The following STX19 variants were observed in gnomAD, a reference collection of about 807,000 sequenced individuals.
STX19 encodes the protein syntaxin 19, also known as syntaxin-19.
Under a neutral mutation model 24.3 loss-of-function variants are expected in STX19, and 26 were observed. The observed-to-expected ratio is 1.07, with a 90% CI of 0.78 to 1.48. The LOEUF is 1.48. Ranked by LOEUF, STX19 falls within the 40% of genes most tolerant of loss-of-function variation. STX19 has a pLI of 0.00. For synonymous variants in STX19, 116 were observed against 106.9 expected (o/e 1.09, Z -0.52); for missense variants, 367 against 331.9 (o/e 1.11, Z -0.82).
intron 1 of STX19, among the ~76,000 whole-genome samples, chr3:94,018,852 G>A (rs1380777077): frequency 1.3e-5 from 2 of 151,788 alleles, no homozygotes; most frequent in Non-Finnish European, 2.9e-5. Flanking sequence ...TGCAACCTCC[G>A]CCGTCCGGGT....
At chr3:94,027,160 A>C (rs961173063) in intron 1 of STX19, among the ~76,000 whole-genome samples, 7 of 152,028 alleles carry the variant, frequency 4.6e-5, no homozygotes, top group Non-Finnish European at 8.8e-5. Flanking sequence ...CCAAGAGAAA[A>C]CAGAATATTC....
At chr3:94,015,723 G>T (rs933195025) in intron 1 of STX19, among the ~76,000 whole-genome samples, 1 of 152,136 alleles carries the variant, frequency 6.6e-6, no homozygotes, top group Non-Finnish European at 1.5e-5. Flanking sequence ...TGCTAAATAT[G>T]CATCATTCAG....
intron 1 of STX19, among the ~76,000 whole-genome samples, chr3:94,028,094 G>A (rs1412703501): frequency 6.6e-6 from 1 of 152,098 alleles, no homozygotes; most frequent in African/African-American, 2.4e-5. Flanking sequence ...TTTTTTAAAT[G>A]AGAGCTTACT....
Position 94,014,439 on chromosome 3 carries a change from T to C in STX19, c.831A>G (p.Arg277=). 6.3e-7 allele frequency: 1 copy of C among 1,593,934 alleles called. No individual in the cohort carries two copies. ...AACAACACAGTACTCTGCAAGGATT[T>C]CTTTTTTTGTATTTTACAGCTAGTC... is the stretch of plus-strand genomic sequence containing the variant. ...KFGLAVKYKK[R]NPCRVLCCWC... is the part of the protein sequence containing the mutation. Residue 277 remains arginine, a synonymous_variant, in exon 2 of 2, where the codon AGA becomes AGG. Coordinates refer to ENST00000315099, the MANE Select transcript of STX19 (RefSeq NM_001001850.3).
At chr3:94,016,792 G>A (rs1575984256) in intron 1 of STX19, among the ~76,000 whole-genome samples, 1 of 151,924 alleles carries the variant, frequency 6.6e-6, no homozygotes, top group Non-Finnish European at 1.5e-5. Flanking sequence ...GATTACAGGT[G>A]CCTGCCACCA....
chr3:94,017,307 G>A (rs749532729), intron 1 of STX19, among the ~76,000 whole-genome samples: 1 of 152,180 alleles, frequency 6.6e-6, no homozygotes, highest in Admixed American at 6.5e-5. Flanking sequence ...AGGGCAGTGG[G>A]TGGAAATTAC....
chr3:94,026,162 G>C (rs1048551498), intron 1 of STX19, among the ~76,000 whole-genome samples: 6 of 152,092 alleles, frequency 3.9e-5, no homozygotes, highest in Non-Finnish European at 8.8e-5. Context: ...TGGGACTACA[G>C]GCGCCCGCCA....
chr3:94,018,288 A>C (rs1055602641), intron 1 of STX19, among the ~76,000 whole-genome samples: 2 of 150,802 alleles, frequency 1.3e-5, no homozygotes, highest in East Asian at 3.9e-4. Flanking sequence ...AAGAGACTTT[A>C]ATGATAGAGA....
At chr3:94,022,307 A>G (rs745805817) in intron 1 of STX19, among the ~76,000 whole-genome samples, 20 of 151,474 alleles carry the variant, frequency 1.3e-4, no homozygotes, top group Non-Finnish European at 2.7e-4. Flanking sequence ...TGTATTTTTA[A>G]TAGAGATGGG....
At chr3:94,024,283 T>C (rs2076510186) in intron 1 of STX19, among the ~76,000 whole-genome samples, 1 of 152,230 alleles carries the variant, frequency 6.6e-6, no homozygotes, top group Non-Finnish European at 1.5e-5. Context: ...ATTATTATTT[T>C]TTAAACTGGG....
chr3:94,015,759 G>A (rs2076320526), intron 1 of STX19, among the ~76,000 whole-genome samples: 3 of 152,186 alleles, frequency 2.0e-5, no homozygotes, highest in African/African-American at 7.2e-5. Flanking sequence ...TGACAGTACA[G>A]ATTTTATATG....
chr3:94,018,460 A>T (rs1031962726), intron 1 of STX19, among the ~76,000 whole-genome samples: 1 of 151,654 alleles, frequency 6.6e-6, no homozygotes, highest in African/African-American at 2.4e-5. Flanking sequence ...TTCCTTTATC[A>T]CTATTTTCTT....
Position 94,014,719 on chromosome 3 carries a change from T to C in STX19, c.551A>G (p.Asp184Gly), listed in dbSNP as rs1443888222. The C allele has an allele frequency of 1.6e-5, 25 of 1,612,540 alleles. No individual in the cohort carries two copies. Among genetic ancestry groups the C allele is most frequent in the Non-Finnish European group, 1.9e-5 (23 of 1,179,632 alleles). The change falls in exon 2 of 2, where the codon GAT (aspartate) becomes GGT (glycine). Residue 184 changes from aspartate to glycine, a missense_variant. Physicochemically the swap from Asp to Gly is moderately conservative, Grantham distance 94. Transcript: ENST00000315099. ...GKEMSEEDVN[D>G]MLHQGKWEVF... ...TTCCCATTTTCCTTGATGAAGCATATCATTTACATCTTCTTCAGACATCTC... is the reference window on the plus strand; with the variant it reads ...TTCCCATTTTCCTTGATGAAGCATACCATTTACATCTTCTTCAGACATCTC...
chr3:94,016,437 A>G (rs1223588928), intron 1 of STX19, among the ~76,000 whole-genome samples: 1 of 152,124 alleles, frequency 6.6e-6, no homozygotes, highest in Non-Finnish European at 1.5e-5. Context: ...ATTTGGAGGA[A>G]TCTTTAGTAT....
chr3:94,016,838 G>C (rs1316409254), intron 1 of STX19, among the ~76,000 whole-genome samples: 1 of 151,952 alleles, frequency 6.6e-6, no homozygotes, highest in Non-Finnish European at 1.5e-5. Flanking sequence ...GTAGAGACAG[G>C]GTTTCACCAT....
chr3:94,016,790 G>GT (rs1553837782), intron 1 of STX19, among the ~76,000 whole-genome samples: 2 of 151,982 alleles, frequency 1.3e-5, no homozygotes, highest in Non-Finnish European at 2.9e-5. Context: ...GGGATTACAG[G>GT]TGCCTGCCAC....
At chr3:94,023,903 T>C (rs2076502929) in intron 1 of STX19, among the ~76,000 whole-genome samples, 1 of 152,200 alleles carries the variant, frequency 6.6e-6, no homozygotes, top group South Asian at 2.1e-4. Context: ...TTAGGATCTT[T>C]AATATAATCA....
intron 1 of STX19, among the ~76,000 whole-genome samples, chr3:94,022,422 G>A (rs942709987): frequency 5.3e-5 from 8 of 151,972 alleles, no homozygotes; most frequent in Admixed American, 1.3e-4. Flanking sequence ...CACCGCACCC[G>A]GCTGCTTTTT....
At chr3:94,015,654 T>G (rs1175636395) in intron 1 of STX19, among the ~76,000 whole-genome samples, 1 of 152,162 alleles carries the variant, frequency 6.6e-6, no homozygotes, top group Non-Finnish European at 1.5e-5. Flanking sequence ...AATGCCCTTG[T>G]TACTAAAGAT....
Sources: allele counts gnomAD v4.1 joint callset (sites outside exome capture counted in the v4.1 genomes callset), GRCh38; gene constraint gnomAD v4.1.1; transcripts MANE v1.5; gene names NCBI Gene and HGNC (gene_info 2026-07-23, HGNC 2026-07-21).